The following GPR176 variants were observed in gnomAD, a reference collection of about 807,000 sequenced individuals.
The protein encoded by GPR176 is G-protein coupled receptor 176.
GPR176 carries 26 observed loss-of-function variants against 35.4 expected under a neutral mutation model. The observed-to-expected ratio is 0.74, with a 90% CI of 0.54 to 1.02. The LOEUF (loss-of-function observed/expected upper bound fraction) is 1.02, where lower values mean the gene tolerates loss of function less well. Among genes scored for constraint, GPR176 ranks in the 50% least tolerant of loss-of-function variants. The probability of loss-of-function intolerance (pLI) is 0.00; values close to 1 mark genes in which losing one functional copy is unlikely to be tolerated. For missense variants in GPR176, 597 were observed against 665.3 expected, an observed-to-expected ratio of 0.90 and a Z score of 1.13; for synonymous variants, 278 against 271.3, an observed-to-expected ratio of 1.02 and a Z score of -0.24.
intron 1 of GPR176, among the ~76,000 whole-genome samples, chr15:39,840,252 A>T (rs1901658222): frequency 6.6e-6 from 1 of 152,200 alleles, no homozygotes; most frequent in Non-Finnish European, 1.5e-5. Context: ...TCAATGATAG[A>T]CTAGATTAAG....
At chr15:39,896,738 A>C (rs140168552) in intron 1 of GPR176, among the ~76,000 whole-genome samples, 1 of 152,340 alleles carries the variant, frequency 6.6e-6, no homozygotes, top group Non-Finnish European at 1.5e-5. Context: ...GTAAAGTCCC[A>C]GGAACATCAT....
intron 1 of GPR176, chr15:39,814,976 A>G (rs1292708966): frequency 1.3e-5 from 2 of 152,206 alleles, no homozygotes; most frequent in Non-Finnish European, 2.9e-5. Flanking sequence ...AACAAAGTCT[A>G]TGTGCAAGAG....
rs994472150 is a variant in GPR176, at chr15:39,886,105, C to T, written c.172+33750G>A. Among the ~76,000 whole-genome samples the T allele has an allele frequency of 5.9e-5, 9 of 152,086 alleles. No individual in the cohort carries two copies. The East Asian group carries it at 1.5e-3, about 26-fold the overall frequency. ...AAAATTAGCCAGGCATGGTGGCGGG[C>T]GCCTGTAATCCCAGCTACTCGGGAG... On this transcript the variant is annotated intron_variant, in intron 1 of 2. Coordinates refer to ENST00000561100, the MANE Select transcript of GPR176 (RefSeq NM_007223.3).
intron 1 of GPR176, among the ~76,000 whole-genome samples, chr15:39,842,960 C>T (rs972727558): frequency 6.6e-6 from 1 of 151,952 alleles, no homozygotes; most frequent in Admixed American, 6.6e-5. Context: ...GGTTTCATCC[C>T]CAGCTCAGCA....
intron 1 of GPR176, among the ~76,000 whole-genome samples, chr15:39,838,617 T>C (rs1230766974): frequency 6.6e-6 from 1 of 152,108 alleles, no homozygotes; most frequent in Non-Finnish European, 1.5e-5. Context: ...AAAAGGCCTT[T>C]GACAAAATTC....
At chr15:39,840,693 T>C (rs2029905543) in intron 1 of GPR176, among the ~76,000 whole-genome samples, 1 of 152,028 alleles carries the variant, frequency 6.6e-6, no homozygotes, top group South Asian at 2.1e-4. Flanking sequence ...AAGAACCAAG[T>C]CGATTGTAAC....
rs549771649 is a variant in GPR176 at position 39,830,928 on chromosome 15, C to T, written c.173-23670G>A. Reference sequence around the variant, plus strand: ...GTGGACTTCTGCTTTGCCCCAGAGTCAATGTCAGTATAAGCAAAAGCCTCC... The same window carrying T: ...GTGGACTTCTGCTTTGCCCCAGAGTTAATGTCAGTATAAGCAAAAGCCTCC... On this transcript the variant is annotated intron_variant, in intron 1 of 2. Transcript: ENST00000561100. Among the ~76,000 whole-genome samples, 6 of 152,270 alleles carry T rather than the reference C, an allele frequency of 3.9e-5. No individual in the cohort carries two copies. In the South Asian group the frequency reaches 8.3e-4, roughly 21 times the overall value.
intron 1 of GPR176, among the ~76,000 whole-genome samples, chr15:39,812,443 C>A (rs1198638558): frequency 6.6e-6 from 1 of 152,160 alleles, no homozygotes; most frequent in Non-Finnish European, 1.5e-5. Flanking sequence ...ATATCAGAAT[C>A]CACGTTCTTC....
chr15:39,828,829 G>A (rs1900863539), intron 1 of GPR176, among the ~76,000 whole-genome samples: 1 of 152,196 alleles, frequency 6.6e-6, no homozygotes, highest in Admixed American at 6.5e-5. Flanking sequence ...TGGCTTGGAT[G>A]AGTTTACAGT....
chr15:39,914,937 T>C (rs984566828), intron 1 of GPR176, among the ~76,000 whole-genome samples: 2 of 152,350 alleles, frequency 1.3e-5, no homozygotes, highest in Non-Finnish European at 2.9e-5. Context: ...GCTCAAAGAC[T>C]ATAAGCAAGC....
At chr15:39,816,238 T>C (rs1277778407) in intron 1 of GPR176, among the ~76,000 whole-genome samples, 1 of 152,186 alleles carries the variant, frequency 6.6e-6, no homozygotes, top group Non-Finnish European at 1.5e-5. Flanking sequence ...CAGTAAGCAA[T>C]ATATTATATA....
chr15:39,801,607 C>G lies in GPR176; in HGVS notation c.1073G>C (p.Ser358Thr). ...VSTGSGMAEA[S>T]LEPSIRSGSQ... ...ACCCGAGCGTATGCTGGGTTCCAGGCTGGCCTCAGCCATGCCACTCCCTGT... is the reference window on the plus strand; with the variant it reads ...ACCCGAGCGTATGCTGGGTTCCAGGGTGGCCTCAGCCATGCCACTCCCTGT... The change falls in exon 3 of 3, where the codon AGC becomes ACC. Residue 358 changes from serine to threonine, a missense_variant. By Grantham distance (58) the Ser-to-Thr change is moderately conservative. This residue lies in a region of GPR176 where 251 missense variants were observed against 255.4 expected (regional missense o/e 0.98). Coordinates refer to ENST00000561100, the MANE Select transcript of GPR176 (RefSeq NM_007223.3). 3 of 1,614,096 alleles carry G rather than the reference C, an allele frequency of 1.9e-6. No individual in the cohort carries two copies. The highest frequency in any genetic ancestry group is 2.5e-6 in the Non-Finnish European group (3 of 1,179,932).
intron 1 of GPR176, among the ~76,000 whole-genome samples, chr15:39,823,617 A>C (rs1330469041): frequency 6.6e-6 from 1 of 152,066 alleles, no homozygotes; most frequent in Non-Finnish European, 1.5e-5. Context: ...CATCTAACAC[A>C]TTCTCCACAC....
At chr15:39,908,782 G>A (rs1393609562) in intron 1 of GPR176, among the ~76,000 whole-genome samples, 3 of 152,020 alleles carry the variant, frequency 2.0e-5, no homozygotes, top group African/African-American at 2.4e-5. Flanking sequence ...AAAAGATGGC[G>A]CCTTTAGCAA....
intron 1 of GPR176, among the ~76,000 whole-genome samples, chr15:39,868,048 T>C (rs960662185): frequency 7.9e-5 from 12 of 151,914 alleles, no homozygotes; most frequent in African/African-American, 4.8e-5. Flanking sequence ...ATAAATGACA[T>C]CTTACTAGAT....
chr15:39,855,169 G>C (rs2031133442), intron 1 of GPR176, among the ~76,000 whole-genome samples: 1 of 152,060 alleles, frequency 6.6e-6, no homozygotes, highest in Admixed American at 6.5e-5. Context: ...TTTCCCAGAA[G>C]GAATTTTCAT....
intron 1 of GPR176, among the ~76,000 whole-genome samples, chr15:39,810,088 T>C (rs1899447836): frequency 6.8e-6 from 1 of 147,156 alleles, no homozygotes; most frequent in Admixed American, 7.0e-5. Flanking sequence ...GAGCTTGCAG[T>C]GAGCTGAGAT....
chr15:39,878,590 T>C (rs2032352209), intron 1 of GPR176, among the ~76,000 whole-genome samples: 1 of 152,190 alleles, frequency 6.6e-6, no homozygotes, highest in South Asian at 2.1e-4. Context: ...AACATAGGAA[T>C]GCAGTTATCT....
rs150423274 is a variant in GPR176, at chr15:39,799,909, G to A, written c.*1223C>T. 6.6e-6 allele frequency: 1 copy of A among 152,224 alleles called. No homozygotes were observed. Among genetic ancestry groups the A allele is most frequent in the Non-Finnish European group, 1.5e-5 (1 of 68,072 alleles). 9.4% of individuals were successfully genotyped at this position (152,224 alleles called of 1,614,324 possible). Reference sequence around the variant, plus strand: ...GAAGGAGGAAGTGAAGAGCTCATCTGGGTCAGATGTTGCCTTGGCACTCTA... The same window carrying A: ...GAAGGAGGAAGTGAAGAGCTCATCTAGGTCAGATGTTGCCTTGGCACTCTA... On this transcript the variant is annotated 3_prime_UTR_variant, in exon 3 of 3. Coordinates refer to ENST00000561100, the MANE Select transcript of GPR176 (RefSeq NM_007223.3).
Sources: allele counts gnomAD v4.1 joint callset (sites outside exome capture counted in the v4.1 genomes callset), GRCh38; gene constraint gnomAD v4.1.1; regional missense constraint gnomAD v4.1.1; transcripts MANE v1.5; gene names NCBI Gene and HGNC (gene_info 2026-07-23, HGNC 2026-07-21).